SYNE1: variants seen among roughly 807,000 people sequenced by gnomAD.
SYNE1 encodes nesprin-1.
In SYNE1, 616 loss-of-function variants were observed where a neutral mutation model predicts 1,111.0. That is an observed-to-expected ratio of 0.55 (90% CI 0.52 to 0.59). The LOEUF (loss-of-function observed/expected upper bound fraction) is 0.59. Ranked by LOEUF, SYNE1 falls within the 20% of genes least tolerant of loss-of-function variation. The pLI is 0.00. For missense variants in SYNE1, 10,006 were observed against 10,417.0 expected, an observed-to-expected ratio of 0.96 and a Z score of 1.72; for synonymous variants, 3,855 against 3,825.8, an observed-to-expected ratio of 1.01 and a Z score of -0.28.
At position 152,454,036 on chromosome 6, in the gene SYNE1, G is replaced by A. The variant is rs140500057; in HGVS notation, c.2893-316C>T. ...GATGCCAAAACCTTGATTCTGTAGCGATAGAGCTTCGGTTCCCCTTTGGTG... is the reference window on the plus strand; with the variant it reads ...GATGCCAAAACCTTGATTCTGTAGCAATAGAGCTTCGGTTCCCCTTTGGTG... On this transcript the variant is annotated intron_variant, in intron 24 of 145. Transcript: ENST00000367255. 3.9e-5 allele frequency among the ~76,000 whole-genome samples: 6 copies of A among 152,274 alleles called. No individual in the cohort carries two copies. The East Asian group carries it at 5.8e-4, about 15-fold the overall frequency.
intron 106 of SYNE1, among the ~76,000 whole-genome samples, chr6:152,242,789 A>C (rs1228885847): frequency 1.3e-5 from 2 of 152,124 alleles, no homozygotes; most frequent in South Asian, 2.1e-4. Flanking sequence ...CGGACAATAA[A>C]GCACAACGGA....
chr6:152,442,271 A>T (rs1179754823), intron 30 of SYNE1, 26 bp from the exon 31 acceptor site: 1 of 1,610,828 alleles, frequency 6.2e-7, no homozygotes, highest in African/African-American at 1.3e-5. Flanking sequence ...CAACAGATGG[A>T]TATAAATTGT....
At chr6:152,581,574 C>T (rs2099519704) in intron 3 of SYNE1, among the ~76,000 whole-genome samples, 1 of 152,176 alleles carries the variant, frequency 6.6e-6, no homozygotes, top group Non-Finnish European at 1.5e-5. Flanking sequence ...TGGCCCCTCT[C>T]GCTACACCAA....
chr6:152,247,800 TAAA>T (rs1165209805), intron 105 of SYNE1, among the ~76,000 whole-genome samples: 63 of 131,134 alleles, frequency 4.8e-4, no homozygotes, highest in African/African-American at 1.6e-3. Context: ...TAAAAATAAA[TAAA>T]AAGAAAAATG....
intron 3 of SYNE1, among the ~76,000 whole-genome samples, chr6:152,622,109 A>G (rs548059956): frequency 1.3e-5 from 2 of 152,300 alleles, no homozygotes; most frequent in African/African-American, 4.8e-5. Context: ...ACTGTTTTGT[A>G]TCATACTTAA....
rs569574092 is a variant in SYNE1 at position 152,130,409 on chromosome 6, C to G, written c.26153+311G>C. 6.6e-5 allele frequency among the ~76,000 whole-genome samples: 10 copies of G among 152,270 alleles called. No homozygotes were observed. In the South Asian group the frequency reaches 2.1e-3, roughly 32 times the overall value. On this transcript the variant is annotated intron_variant, in intron 145 of 145. Transcript: ENST00000367255. Reference sequence around the variant, plus strand: ...AATAAAGAGGATGATAAAAGTCTGCCATGAATCAAATGGCAGTGGTGCCAC... The same window carrying G: ...AATAAAGAGGATGATAAAAGTCTGCGATGAATCAAATGGCAGTGGTGCCAC...
At chr6:152,329,622 C>T (rs747822887) in intron 78 of SYNE1, 108 bp downstream of exon 78, 14 of 1,420,214 alleles carry the variant, frequency 9.9e-6, no homozygotes, top group South Asian at 6.0e-5. Context: ...TGTAGTATTT[C>T]GAAAGAAATA....
chr6:152,494,900 G>A (rs544313967), intron 11 of SYNE1, among the ~76,000 whole-genome samples: 2 of 152,132 alleles, frequency 1.3e-5, no homozygotes, highest in Non-Finnish European at 2.9e-5. Context: ...TGTCCCTCAT[G>A]GCCAGTTTTT....
chr6:152,561,947 C>T (rs1052318180), intron 3 of SYNE1, among the ~76,000 whole-genome samples: 5 of 152,110 alleles, frequency 3.3e-5, no homozygotes, highest in African/African-American at 1.2e-4. Context: ...GTCCTGAAAT[C>T]ATAAATGTAC....
intron 3 of SYNE1, among the ~76,000 whole-genome samples, chr6:152,618,468 G>C (rs1421542270): frequency 6.6e-6 from 1 of 152,144 alleles, no homozygotes; most frequent in Non-Finnish European, 1.5e-5. Flanking sequence ...GTAGAATAAA[G>C]AAGAGCAGAT....
Position 152,399,787 on chromosome 6 carries a change from T to A in SYNE1, c.7066A>T (p.Ile2356Phe), listed in dbSNP as rs773154648. 3.1e-6 allele frequency: 5 copies of A among 1,614,170 alleles called. No individual in the cohort carries two copies. In the Admixed American group the frequency reaches 6.7e-5, roughly 22 times the overall value. Reference protein sequence around the residue: ...QKELQSQQSNISSTQENLNSL... With the variant: ...QKELQSQQSNFSSTQENLNSL... ...TTGAGATTTTCTTGGGTAGAGCTGA[T>A]GTTGCTTTGTTGACTTTGAAGTTCT... is the stretch of plus-strand genomic sequence containing the variant. The change falls in exon 48 of 146, where the codon ATC becomes TTC. Residue 2356 changes from isoleucine (I) to phenylalanine (F), a missense_variant. Physicochemically the swap from Ile to Phe is conservative, Grantham distance 21 (BLOSUM62 0). Coordinates refer to ENST00000367255, the MANE Select transcript of SYNE1 (RefSeq NM_182961.4).
chr6:152,155,827 G>T, intron 132 of SYNE1, 83 bp downstream of exon 132: 2 of 1,527,730 alleles, frequency 1.3e-6, no homozygotes, highest in Non-Finnish European at 1.8e-6. Context: ...GAACAGGAAA[G>T]AGTGAACAGT....
At position 152,430,558 on chromosome 6, in the gene SYNE1, T is replaced by C; in HGVS notation, c.4613A>G (p.Glu1538Gly). ...QIRRYGEELR[E>G]HAQCLEGTIL... The stretch of plus-strand genomic sequence containing the variant: ...TGTTCCTTCCAGACACTGTGCATGC[T>C]CTCGAAGCTCTTCCCCGTATCTTCT... The change falls in exon 35 of 146, where the codon GAG (glutamate) becomes GGG (glycine). Residue 1538 changes from glutamate to glycine, a missense_variant. Coordinates refer to ENST00000367255, the MANE Select transcript of SYNE1 (RefSeq NM_182961.4). 6.2e-7 allele frequency: 1 copy of C among 1,614,142 alleles called. No homozygotes were observed. Among genetic ancestry groups the C allele is most frequent in the Non-Finnish European group, 8.5e-7 (1 of 1,179,994 alleles).
At chr6:152,469,240 G>T (rs1266537438) in intron 16 of SYNE1, among the ~76,000 whole-genome samples, 1 of 152,124 alleles carries the variant, frequency 6.6e-6, no homozygotes, top group African/African-American at 2.4e-5. Flanking sequence ...GGATAAGAGA[G>T]GCTCTATGAG....
intron 4 of SYNE1, among the ~76,000 whole-genome samples, chr6:152,530,917 C>T (rs896674858): frequency 2.0e-5 from 3 of 152,098 alleles, no homozygotes; most frequent in Non-Finnish European, 4.4e-5. Context: ...GCCACCACAT[C>T]CCGCCGTGTG....
Position 152,485,022 on chromosome 6 carries a change from A to G in SYNE1, c.1048-50T>C, listed in dbSNP as rs1207957163. 3 of 1,575,774 alleles carry G rather than the reference A, an allele frequency of 1.9e-6. No individual in the cohort carries two copies. In the African/African-American group the frequency reaches 4.0e-5, roughly 21 times the overall value. ...TATGGCAATGAGTCAAAAAAAGCAA[A>G]AGCAAAGGAAAGCACATTTCCTAAA... On this transcript the variant is annotated intron_variant, in intron 12 of 145. Transcript: ENST00000367255.
intron 72 of SYNE1, among the ~76,000 whole-genome samples, chr6:152,347,477 T>C (rs1043381364): frequency 1.3e-5 from 2 of 152,162 alleles, no homozygotes; most frequent in African/African-American, 4.8e-5. Context: ...CCTTTAACAC[T>C]AGAATGTGTT....
chr6:152,326,138 G>A (rs750599380), intron 79 of SYNE1, 36 bp from the exon 80 acceptor site: 31 of 1,613,884 alleles, frequency 1.9e-5, no homozygotes, highest in Admixed American at 6.7e-5. Flanking sequence ...TAAGTAGCAC[G>A]AAATCACGTA....
chr6:152,461,869 C>T (rs1295801597), intron 20 of SYNE1, 129 bp from the exon 21 acceptor site: 25 of 1,201,048 alleles, frequency 2.1e-5, no homozygotes, highest in Admixed American at 1.3e-4. Context: ...AAACTTTCGA[C>T]GATTCCAGTT....
Sources: allele counts gnomAD v4.1 joint callset (sites outside exome capture counted in the v4.1 genomes callset), GRCh38; gene constraint gnomAD v4.1.1; transcripts MANE v1.5; gene names NCBI Gene and HGNC (gene_info 2026-07-23, HGNC 2026-07-21).